Variants in ZNF385D observed in about 807,000 individuals in gnomAD.
ZNF385D encodes zinc finger protein 385D.
A neutral mutation model predicts 35.8 loss-of-function variants in ZNF385D; 15 were observed. The observed-to-expected ratio is 0.42, with a 90% CI of 0.28 to 0.64. The LOEUF (loss-of-function observed/expected upper bound fraction) is 0.64. ZNF385D is among the 30% of genes least tolerant of loss of function. The probability of loss-of-function intolerance (pLI) is 0.23; values close to 1 mark genes in which losing one functional copy is unlikely to be tolerated. For synonymous variants in ZNF385D, 212 were observed against 186.8 expected (o/e 1.13, Z -1.10); for missense variants, 474 against 494.6 (o/e 0.96, Z 0.39).
chr3:22,070,800 A>C (rs1400242398), intron 3 of ZNF385D, among the ~76,000 whole-genome samples: 1 of 152,204 alleles, frequency 6.6e-6, no homozygotes, highest in Non-Finnish European at 1.5e-5. Flanking sequence ...TTAATGAACA[A>C]GTTTATTTCC....
At chr3:22,254,147 AAGAG>A (rs1001622676) in intron 2 of ZNF385D, among the ~76,000 whole-genome samples, 13 of 151,896 alleles carry the variant, frequency 8.6e-5, no homozygotes, top group African/African-American at 2.4e-5. Context: ...TGATCAGTTA[AAGAG>A]AGAAAGGGAA....
chr3:21,439,678 A>C (rs1701763377), intron 4 of ZNF385D, among the ~76,000 whole-genome samples: 1 of 152,110 alleles, frequency 6.6e-6, no homozygotes, highest in African/African-American at 2.4e-5. Flanking sequence ...TAGAATAAAC[A>C]AAACCAGGAA....
chr3:21,956,060 G>A (rs950477058), intron 3 of ZNF385D, among the ~76,000 whole-genome samples: 1 of 151,948 alleles, frequency 6.6e-6, no homozygotes, highest in Non-Finnish European at 1.5e-5. Context: ...AGTGGCACAT[G>A]CCCATAGTCC....
At chr3:22,298,454 T>C (rs992930790) in intron 2 of ZNF385D, among the ~76,000 whole-genome samples, 3 of 125,172 alleles carry the variant, frequency 2.4e-5, no homozygotes, top group Non-Finnish European at 5.3e-5. Flanking sequence ...AAAATATTTA[T>C]ATATAATATA....
Position 22,144,178 on chromosome 3 carries a change from T to G in ZNF385D, c.325+24639A>C, listed in dbSNP as rs149298355. Among the ~76,000 whole-genome samples the G allele has an allele frequency of 6.5e-3, 982 of 152,170 alleles. 10 individuals are homozygous for G. The highest frequency in any genetic ancestry group is 0.022 in the African/African-American group (930 of 41,534). ...TTAGCTAAATTTAAGTAGTTATAAT[T>G]TTACAAAAAATAACTACAGAACCAG... On this transcript the variant is annotated intron_variant, in intron 3 of 5. Coordinates refer to the ZNF385D transcript ENST00000494108.
At chr3:21,565,706 A>G (rs1486520816) in intron 2 of ZNF385D, among the ~76,000 whole-genome samples, 1 of 152,214 alleles carries the variant, frequency 6.6e-6, no homozygotes, top group Non-Finnish European at 1.5e-5. Flanking sequence ...GTTGTAGCAC[A>G]TGTGAAGATC....
chr3:21,750,749 G>T (rs2070034581), intron 1 of ZNF385D, 146 bp downstream of exon 1: 2 of 905,058 alleles, frequency 2.2e-6, no homozygotes, highest in Middle Eastern at 2.3e-4. Flanking sequence ...AGCTTTGAAG[G>T]CTGCACCGGC....
intron 2 of ZNF385D, among the ~76,000 whole-genome samples, chr3:22,244,194 T>C (rs1021912106): frequency 6.7e-6 from 1 of 150,104 alleles, no homozygotes; most frequent in Non-Finnish European, 1.5e-5. Context: ...ATTATTAAAC[T>C]TTTTCTCTAG....
intron 2 of ZNF385D, among the ~76,000 whole-genome samples, chr3:21,630,989 G>A (rs774413231): frequency 2.4e-4 from 37 of 152,018 alleles, no homozygotes; most frequent in Non-Finnish European, 4.0e-4. Flanking sequence ...TCGTAGTTTC[G>A]TAAATAGATA....
intron 3 of ZNF385D, among the ~76,000 whole-genome samples, chr3:22,032,601 T>C (rs1271077891): frequency 6.6e-6 from 1 of 152,158 alleles, no homozygotes; most frequent in Non-Finnish European, 1.5e-5. Flanking sequence ...ATAGAACTAG[T>C]AACAGAGGTG....
At chr3:21,626,005 G>A (rs1352315922) in intron 2 of ZNF385D, among the ~76,000 whole-genome samples, 2 of 151,936 alleles carry the variant, frequency 1.3e-5, no homozygotes, top group Admixed American at 1.3e-4. Context: ...TTTCAGAACT[G>A]CCCTGCCTGT....
rs183004256 is a variant in ZNF385D, at chr3:21,811,168, T to C, written c.326-146140A>G. Among the ~76,000 whole-genome samples the C allele has an allele frequency of 1.8e-4, 27 of 152,280 alleles. 1 individual carries two copies. Among genetic ancestry groups the C allele is most frequent in the African/African-American group, 4.1e-4 (17 of 41,572 alleles). On this transcript the variant is annotated intron_variant, in intron 3 of 5. Coordinates refer to the ZNF385D transcript ENST00000494108. The stretch of plus-strand genomic sequence containing the variant: ...AATTGAAAATATCCGTATAAACTCA[T>C]TGTATTCTGTTTAGCATGAATCCTA...
chr3:22,007,015 T>C (rs750964656), intron 3 of ZNF385D, among the ~76,000 whole-genome samples: 3 of 152,120 alleles, frequency 2.0e-5, no homozygotes, highest in African/African-American at 7.2e-5. Context: ...TGTTGTCAAT[T>C]TGATATAGCA....
intron 3 of ZNF385D, among the ~76,000 whole-genome samples, chr3:21,998,366 A>C (rs1695615781): frequency 6.6e-6 from 1 of 152,072 alleles, no homozygotes; most frequent in South Asian, 2.1e-4. Context: ...TTCCTGACCA[A>C]AGCCAAGAAC....
intron 2 of ZNF385D, among the ~76,000 whole-genome samples, chr3:21,606,439 T>C (rs1210821191): frequency 6.6e-6 from 1 of 152,208 alleles, no homozygotes; most frequent in African/African-American, 2.4e-5. Flanking sequence ...GTATATGAAA[T>C]ACTATACATT....
chr3:21,468,878 G>A (rs914702018), intron 4 of ZNF385D, among the ~76,000 whole-genome samples: 18 of 151,842 alleles, frequency 1.2e-4, no homozygotes, highest in African/African-American at 4.1e-4. Context: ...GCAGTGAACC[G>A]AGATCGTGCC....
intron 2 of ZNF385D, among the ~76,000 whole-genome samples, chr3:22,188,120 A>C (rs1695763077): frequency 6.6e-6 from 1 of 152,210 alleles, no homozygotes; most frequent in African/African-American, 2.4e-5. Flanking sequence ...CTTAAGAGGC[A>C]GAAACCTAAT....
rs184263360 is a variant in ZNF385D, at chr3:22,036,303, T to C, written c.325+132514A>G. Among the ~76,000 whole-genome samples the C allele has an allele frequency of 4.4e-3, 671 of 152,304 alleles. 3 individuals carry two copies. The highest frequency in any genetic ancestry group is 0.014 in the African/African-American group (602 of 41,566). On this transcript the variant is annotated intron_variant, in intron 3 of 5. Transcript: ENST00000494108. ...CAGATCACAGTTAATCAACCAAATA[T>C]ATATTTTAATGCAGACTGGTAGCTG...
At chr3:21,632,824 G>T (rs1325835012) in intron 2 of ZNF385D, among the ~76,000 whole-genome samples, 1 of 152,068 alleles carries the variant, frequency 6.6e-6, no homozygotes, top group Non-Finnish European at 1.5e-5. Flanking sequence ...AAGTTACATT[G>T]TCATCAAGCA....
Sources: gnomAD v4.1 joint callset for allele counts (sites outside exome capture counted in the v4.1 genomes callset) on GRCh38, gnomAD v4.1.1 for gene constraint, MANE v1.5 for transcripts, NCBI Gene and HGNC (gene_info 2026-07-23, HGNC 2026-07-21) for gene names.